Variants in SPAG9 observed in about 807,000 individuals in gnomAD.
SPAG9 encodes the protein C-Jun-amino-terminal kinase-interacting protein 4.
Under a neutral mutation model 166.5 loss-of-function variants are expected in SPAG9, and 35 were observed. The observed-to-expected ratio is 0.21, with a 90% CI of 0.16 to 0.28. The LOEUF is 0.28. Among genes scored for constraint, SPAG9 ranks in the 10% least tolerant of loss-of-function variants. The pLI, the probability that SPAG9 is intolerant of heterozygous loss-of-function variation, is 1.00. For missense variants in SPAG9, 1,235 were observed against 1,603.3 expected (o/e 0.77, Z 3.92); for synonymous variants, 534 against 565.5 (o/e 0.94, Z 0.79).
chr17:51,060,231 G>A (rs2047467294), intron 2 of SPAG9, among the ~76,000 whole-genome samples: 1 of 152,056 alleles, frequency 6.6e-6, no homozygotes, highest in African/African-American at 2.4e-5. Flanking sequence ...AGGGCCGGGC[G>A]AGGTGGCTCA....
intron 19 of SPAG9, among the ~76,000 whole-genome samples, chr17:50,990,993 G>A (rs1168359956): frequency 2.0e-5 from 3 of 148,460 alleles, no homozygotes; most frequent in East Asian, 4.0e-4. Flanking sequence ...TGCAACCTCC[G>A]CCTCCTTGGC....
intron 2 of SPAG9, 29 bp from the exon 3 acceptor site, chr17:51,056,511 A>G (rs2144520073): frequency 1.4e-6 from 2 of 1,386,218 alleles, no homozygotes; most frequent in South Asian, 2.3e-5. Context: ...CACTTGATCA[A>G]AACAAAATAA....
intron 2 of SPAG9, among the ~76,000 whole-genome samples, chr17:51,078,229 A>G (rs1310637201): frequency 2.6e-5 from 4 of 152,214 alleles, no homozygotes; most frequent in African/African-American, 9.6e-5. Flanking sequence ...CTCTCGCTCA[A>G]GTTGGCTTCT....
chr17:51,031,341 ATACAAGT>A (rs1229207259), intron 6 of SPAG9: 16 of 305,052 alleles, frequency 5.2e-5, no homozygotes, highest in African/African-American at 3.5e-4. Context: ...TTCAGGACAA[ATACAAGT>A]TACATACATT....
At chr17:51,098,276 C>G (rs940751717) in intron 1 of SPAG9, among the ~76,000 whole-genome samples, 1 of 152,098 alleles carries the variant, frequency 6.6e-6, no homozygotes. Flanking sequence ...ACTACAAATA[C>G]AGCGGGCTGA....
At chr17:51,099,759 TA>T (rs58721041) in intron 1 of SPAG9, among the ~76,000 whole-genome samples, 7,792 of 43,528 alleles carry the variant, frequency 0.18, 363 homozygotes, top group African/African-American at 0.31. Context: ...CTTCTATTAC[TA>T]AAAAAAAAAA....
chr17:51,020,334 T>C (rs1003870401), intron 7 of SPAG9, 76 bp from the exon 8 acceptor site: 5 of 981,976 alleles, frequency 5.1e-6, no homozygotes, highest in Non-Finnish European at 7.9e-6. Flanking sequence ...GTTGTTTTTA[T>C]GGGTGTAAAG....
chr17:51,034,689 T>C (rs993255346), intron 5 of SPAG9, among the ~76,000 whole-genome samples: 4 of 151,776 alleles, frequency 2.6e-5, no homozygotes, highest in East Asian at 3.9e-4. Context: ...ATGAAGAAAA[T>C]AGAAAATAAC....
chr17:51,007,460 A>C (rs775932229), intron 9 of SPAG9, 134 bp from the exon 10 acceptor site: 1 of 425,342 alleles, frequency 2.4e-6, no homozygotes, highest in Non-Finnish European at 4.1e-6. Context: ...TTTGTCTATA[A>C]TTTCATTTGA....
intron 6 of SPAG9, among the ~76,000 whole-genome samples, chr17:51,030,313 C>T (rs1568019734): frequency 6.6e-6 from 1 of 152,084 alleles, no homozygotes; most frequent in Non-Finnish European, 1.5e-5. Context: ...CCTGAGTAGC[C>T]TAACTTCTGA....
intron 1 of SPAG9, among the ~76,000 whole-genome samples, chr17:51,095,785 G>A (rs2048600131): frequency 6.9e-6 from 1 of 145,232 alleles, no homozygotes; most frequent in Non-Finnish European, 1.5e-5. Flanking sequence ...TATATATAGT[G>A]ATATACGTAT....
intron 27 of SPAG9, chr17:50,975,972 C>A: frequency 8.5e-7 from 1 of 1,170,972 alleles, no homozygotes; most frequent in Admixed American, 2.0e-5. Context: ...CTGTGAGCCA[C>A]CACTCTCAGC....
intron 1 of SPAG9, among the ~76,000 whole-genome samples, chr17:51,100,804 A>G (rs983275586): frequency 6.6e-6 from 1 of 151,510 alleles, no homozygotes; most frequent in African/African-American, 2.4e-5. Context: ...CTGTAATCCC[A>G]GCTACTTGGG....
chr17:51,055,220 G>A (rs1274310344), intron 3 of SPAG9, among the ~76,000 whole-genome samples: 2 of 151,984 alleles, frequency 1.3e-5, no homozygotes, highest in Non-Finnish European at 2.9e-5. Context: ...GGGTATGGTG[G>A]CACACACCTG....
intron 1 of SPAG9, among the ~76,000 whole-genome samples, chr17:51,104,628 C>T (rs1250802459): frequency 1.3e-5 from 2 of 151,124 alleles, no homozygotes; most frequent in East Asian, 2.0e-4. Flanking sequence ...AAGAGCAAAA[C>T]GCCATCTCAA....
intron 2 of SPAG9, among the ~76,000 whole-genome samples, chr17:51,059,209 T>C (rs912877979): frequency 6.6e-6 from 1 of 152,152 alleles, no homozygotes; most frequent in Non-Finnish European, 1.5e-5. Flanking sequence ...AGTAGTTACC[T>C]CTGGGGAGGA....
chr17:51,004,833 G>C (rs1479705391), intron 12 of SPAG9, among the ~76,000 whole-genome samples: 2 of 152,134 alleles, frequency 1.3e-5, no homozygotes, highest in Non-Finnish European at 2.9e-5. Flanking sequence ...TAGTACTAAA[G>C]TTCTAGACTT....
In SPAG9 at chr17:50,972,762, A is replaced by G. The variant is rs77170815; in HGVS notation, c.3701-1906T>C. 7.4e-4 allele frequency among the ~76,000 whole-genome samples: 113 copies of G among 152,372 alleles called. No individual in the cohort carries two copies. In the Middle Eastern group the frequency reaches 0.024, roughly 32 times the overall value. On this transcript the variant is annotated intron_variant, in intron 28 of 29. Coordinates refer to ENST00000262013, the MANE Select transcript of SPAG9 (RefSeq NM_001130528.3). ...GGATTCATTCATGCATTACTCAATT[A>G]TACTTTGGAAGAAATCAAGCATGCC...
rs557984542 is a variant in SPAG9 at position 50,970,945 on chromosome 17, C to T, written c.3701-89G>A. 2.3e-4 allele frequency: 249 copies of T among 1,104,044 alleles called. 5 individuals carry two copies. In the South Asian group the frequency reaches 3.4e-3, roughly 15 times the overall value. The allele number at this position is 1,104,044 out of a possible 1,614,324, so 68.4% of individuals were successfully genotyped here. ...TTTTTTAAGTATTTTTAGAGTTAAA[C>T]AAAAAGGTAAATATATTCTAATAAC... On this transcript the variant is annotated intron_variant, in intron 28 of 29. Transcript: ENST00000262013.
Sources: gnomAD v4.1 joint callset for allele counts (sites outside exome capture counted in the v4.1 genomes callset) on GRCh38, gnomAD v4.1.1 for gene constraint, MANE v1.5 for transcripts, NCBI Gene and HGNC (gene_info 2026-07-23, HGNC 2026-07-21) for gene names.